The following LDHA variants were observed in gnomAD, a reference collection of about 807,000 sequenced individuals.
LDHA encodes the protein lactate dehydrogenase A, also known as L-lactate dehydrogenase A chain.
Under a neutral mutation model 36.3 loss-of-function variants are expected in LDHA, and 10 were observed. The ratio of observed to expected loss-of-function variants is 0.28; its 90% CI spans 0.17 to 0.47. LDHA has a LOEUF of 0.47. LDHA is among the 20% of genes least tolerant of loss of function. LDHA has a pLI of 0.99. For missense variants in LDHA, 267 were observed against 405.8 expected, an observed-to-expected ratio of 0.66 and a Z score of 2.94; for synonymous variants, 110 against 136.7, an observed-to-expected ratio of 0.80 and a Z score of 1.36.
chr11:18,397,028 C>T (rs1283966326), intron 2 of LDHA, 60 bp downstream of exon 2: 1 of 1,416,942 alleles, frequency 7.1e-7, no homozygotes, highest in African/African-American at 1.4e-5. Flanking sequence ...TACCCCCACT[C>T]CTACCCCTAG....
Position 18,402,893 on chromosome 11 carries a change from G to A in LDHA, c.472G>A (p.Val158Ile). The change falls in exon 5 of 8, where the codon GTT (valine) becomes ATT (isoleucine). Residue 158 changes from valine to isoleucine, a missense_variant. Coordinates refer to ENST00000422447, the MANE Select transcript of LDHA (RefSeq NM_005566.4). ...GATAAGTGGTTTTCCCAAAAACCGT[G>A]TTATTGGAAGCGGTTGCAATCTGGA... ...WKISGFPKNR[V>I]IGSGCNLDSA... is the part of the protein sequence containing the mutation. 2 of 1,612,138 alleles carry A rather than the reference G, an allele frequency of 1.2e-6. No homozygotes were observed. The highest frequency in any genetic ancestry group is 1.7e-6 in the Non-Finnish European group (2 of 1,178,214).
At chr11:18,403,326 T>G (rs1253513553) in intron 5 of LDHA, among the ~76,000 whole-genome samples, 2 of 152,198 alleles carry the variant, frequency 1.3e-5, no homozygotes, top group Non-Finnish European at 2.9e-5. Context: ...TGCCTGGCCC[T>G]GAAAAGATGA....
chr11:18,401,479 T>C (rs1183870613), intron 4 of LDHA, among the ~76,000 whole-genome samples: 4 of 89,614 alleles, frequency 4.5e-5, no homozygotes, highest in African/African-American at 1.3e-4. Flanking sequence ...TTTTCTTTTT[T>C]TTTTTTTTTT....
At chr11:18,403,498 G>A (rs1207179859) in intron 5 of LDHA, among the ~76,000 whole-genome samples, 196 bp from the exon 6 acceptor site, 3 of 152,164 alleles carry the variant, frequency 2.0e-5, no homozygotes, top group African/African-American at 7.2e-5. Flanking sequence ...TTAGAATACA[G>A]TTAAAATTCT....
In LDHA at chr11:18,403,031, T is replaced by C; in HGVS notation, c.592+18T>C. The C allele has an allele frequency of 1.2e-6, 2 of 1,610,058 alleles. No homozygotes were observed. The highest frequency in any genetic ancestry group is 1.7e-6 in the Non-Finnish European group (2 of 1,176,356). Reference sequence around the variant, plus strand: ...TTCCAGTGGTAAGCATAAGTTATTTTCTTTTTGTTTTTGAAAAGATTATAT... The same window carrying C: ...TTCCAGTGGTAAGCATAAGTTATTTCCTTTTTGTTTTTGAAAAGATTATAT... On this transcript the variant is annotated intron_variant, in intron 5 of 7. Coordinates refer to ENST00000422447, the MANE Select transcript of LDHA (RefSeq NM_005566.4).
chr11:18,405,370 G>A (rs1866649161), intron 6 of LDHA, 79 bp from the exon 7 acceptor site: 1 of 1,392,324 alleles, frequency 7.2e-7, no homozygotes, highest in Admixed American at 1.7e-5. Context: ...TGTAAAATGT[G>A]TATTAATGAA....
chr11:18,405,681 ATAAAT>A (rs1053023691), intron 7 of LDHA, 109 bp downstream of exon 7: 6 of 1,236,400 alleles, frequency 4.9e-6, no homozygotes, highest in African/African-American at 4.5e-5. Flanking sequence ...CTTAAGTGAA[ATAAAT>A]TAATGTACCC....
At chr11:18,398,664 A>C (rs1374892776) in intron 2 of LDHA, 1 of 117,342 alleles carries the variant, frequency 8.5e-6, no homozygotes, top group Admixed American at 1.2e-4. Context: ...CCCAGGCTAG[A>C]GTGCAGTGGC....
chr11:18,407,593 G>C lies in LDHA; in HGVS notation c.*312G>C. ...CCCTTGAGCCAGGTGGATGTTTACC[G>C]TGTGTTATATAACTTCCTGGCTCCT... On this transcript the variant is annotated 3_prime_UTR_variant, in exon 8 of 8. Transcript: ENST00000422447. 1.5e-6 allele frequency: 1 copy of C among 671,188 alleles called. No homozygotes were observed. Among genetic ancestry groups the C allele is most frequent in the African/African-American group, 1.8e-5 (1 of 56,714 alleles). The allele number at this position is 671,188 out of a possible 1,614,324, so 41.6% of individuals were successfully genotyped here.
intron 1 of LDHA, 183 bp from the exon 2 acceptor site, chr11:18,396,636 C>A: frequency 7.1e-7 from 1 of 1,409,994 alleles, no homozygotes; most frequent in Non-Finnish European, 9.2e-7. Context: ...CTTCACAGAC[C>A]CTGTCATTAG....
At chr11:18,401,463 A>ATTTTTTTTTTTTT (rs1866493607) in intron 4 of LDHA, among the ~76,000 whole-genome samples, 1 of 15,224 alleles carries the variant, frequency 6.6e-5, no homozygotes, top group Admixed American at 9.7e-4. Context: ...TTATTGATTC[A>ATTTTTTTTTTTTT]TTTATTTTTC....
At chr11:18,404,157 G>A (rs891847453) in intron 6 of LDHA, among the ~76,000 whole-genome samples, 5 of 151,906 alleles carry the variant, frequency 3.3e-5, no homozygotes, top group South Asian at 4.2e-4. Flanking sequence ...AAAAGAATGT[G>A]CCTCACCTTG....
At chr11:18,406,001 C>T (rs934642972) in intron 7 of LDHA, among the ~76,000 whole-genome samples, 2 of 152,216 alleles carry the variant, frequency 1.3e-5, no homozygotes, top group African/African-American at 4.8e-5. Flanking sequence ...CAGTCTCCCT[C>T]TGTCACCCAG....
intron 4 of LDHA, among the ~76,000 whole-genome samples, chr11:18,401,955 CTTTTTT>C (rs1554961218): frequency 5.7e-5 from 3 of 52,264 alleles, no homozygotes; most frequent in Non-Finnish European, 7.5e-5. Context: ...TTGTTATTCT[CTTTTTT>C]TTTTTTTTTT....
In LDHA at chr11:18,407,281, A is replaced by C; in HGVS notation, c.999A>C (p.Ter333TyrextTer11). 5 of 1,613,456 alleles carry C rather than the reference A, an allele frequency of 3.1e-6. No individual in the cohort carries two copies. Among genetic ancestry groups the C allele is most frequent in the Non-Finnish European group, 4.2e-6 (5 of 1,179,812 alleles). ...GGATCCAAAAGGAGCTGCAATTTTAAAGTCTTCTGATGTCATATCATTTCA... is the reference window on the plus strand; with the variant it reads ...GGATCCAAAAGGAGCTGCAATTTTACAGTCTTCTGATGTCATATCATTTCA... ...LWGIQKELQF[*>Y] The change falls in exon 8 of 8, where the codon TAA becomes TAC. Residue 333 changes from the stop codon to tyrosine, a stop_lost. Coordinates refer to ENST00000422447, the MANE Select transcript of LDHA (RefSeq NM_005566.4).
chr11:18,398,438 G>C (rs998805949), intron 2 of LDHA, among the ~76,000 whole-genome samples: 8 of 151,474 alleles, frequency 5.3e-5, no homozygotes, highest in African/African-American at 1.7e-4. Context: ...TGTTGCCCTG[G>C]CTGGAGTGCA....
intron 4 of LDHA, among the ~76,000 whole-genome samples, chr11:18,401,955 C>CTTTTTTTT (rs1554961218): frequency 1.9e-5 from 1 of 52,256 alleles, no homozygotes; most frequent in Non-Finnish European, 3.8e-5. Context: ...TTGTTATTCT[C>CTTTTTTTT]TTTTTTTTTT....
At chr11:18,399,011 A>G (rs576872855) in intron 2 of LDHA, 1 of 234,376 alleles carries the variant, frequency 4.3e-6, no homozygotes, top group East Asian at 1.0e-4. Context: ...GCCCGGCCAG[A>G]ACATTTCTTA....
At chr11:18,401,957 T>C (rs72868528) in intron 4 of LDHA, among the ~76,000 whole-genome samples, 1,342 of 22,136 alleles carry the variant, frequency 0.061, 51 homozygotes, top group African/African-American at 0.092. Context: ...GTTATTCTCT[T>C]TTTTTTTTTT....
Sources: allele counts gnomAD v4.1 joint callset (sites outside exome capture counted in the v4.1 genomes callset), GRCh38; gene constraint gnomAD v4.1.1; transcripts MANE v1.5; gene names NCBI Gene and HGNC (gene_info 2026-07-23, HGNC 2026-07-21).